Variants in RGS3 observed in about 807,000 individuals in gnomAD.
RGS3 encodes the protein regulator of G-protein signalling 3.
In RGS3, 80 loss-of-function variants were observed where a neutral mutation model predicts 132.6. That is an observed-to-expected ratio of 0.60 (90% CI 0.50 to 0.73). The LOEUF (loss-of-function observed/expected upper bound fraction) is 0.73, where lower values mean the gene tolerates loss of function less well. RGS3 is among the 30% of genes least tolerant of loss of function. The pLI is 0.00. For missense variants in RGS3, 1,382 were observed against 1,530.8 expected (o/e 0.90, Z 1.62); for synonymous variants, 598 against 620.6 (o/e 0.96, Z 0.54).
intron 23 of RGS3, 140 bp downstream of exon 21, chr9:113,595,120 G>A: frequency 1.2e-6 from 1 of 805,212 alleles, no homozygotes; most frequent in Non-Finnish European, 2.0e-6. Context: ...TTGCGGAGGG[G>A]CTGAGCCCAA....
chr9:113,520,106 C>G (rs1016232362), intron 16 of RGS3, among the ~76,000 whole-genome samples: 3 of 152,256 alleles, frequency 2.0e-5, no homozygotes, highest in African/African-American at 7.2e-5. Context: ...ACCCCCTTAC[C>G]AAGTGATCCC....
intron 1 of RGS3, among the ~76,000 whole-genome samples, chr9:113,445,689 T>C (rs1482962036): frequency 6.6e-6 from 1 of 152,098 alleles, no homozygotes; most frequent in Non-Finnish European, 1.5e-5. Context: ...TTTGTTTTTG[T>C]ATGTTTTGAG....
At position 113,497,420 on chromosome 9, in the gene RGS3, C is replaced by T. The variant is rs766205601; in HGVS notation, c.841+16C>T. On this transcript the variant is annotated intron_variant, in intron 9 of 24. Coordinates refer to ENST00000350696, the Ensembl canonical transcript of RGS3. ...CCGCTGAGAGGTACCTGCACACCCCCTTCAGCTTCCCTTCCCAGGACCTGC... is the reference window on the plus strand; with the variant it reads ...CCGCTGAGAGGTACCTGCACACCCCTTTCAGCTTCCCTTCCCAGGACCTGC... 6.2e-7 allele frequency: 1 copy of T among 1,607,450 alleles called. No individual in the cohort carries two copies. Among genetic ancestry groups the T allele is most frequent in the South Asian group, 1.1e-5 (1 of 90,868 alleles).
At chr9:113,456,717 C>A (rs1299569223), upstream of RGS3, among the ~76,000 whole-genome samples, 1 of 151,614 alleles carries the variant, frequency 6.6e-6, no homozygotes, top group South Asian at 2.1e-4. Context: ...CTGTTGGGAT[C>A]TTGCTTAAAA....
Position 113,447,286 on chromosome 9 carries a change from A to G in RGS3, c.-13+2359A>G, listed in dbSNP as rs538822176. ...CAAAGAAAAAAAAAAAAAAAGAAAAATACAGGGAGGGTGTAAACCAATAAA... is the reference window on the plus strand; with the variant it reads ...CAAAGAAAAAAAAAAAAAAAGAAAAGTACAGGGAGGGTGTAAACCAATAAA... On this transcript the variant is annotated intron_variant, in intron 1 of 25. Coordinates refer to the RGS3 transcript ENST00000374140. 3.1e-5 allele frequency among the ~76,000 whole-genome samples: 4 copies of G among 128,954 alleles called. No homozygotes were observed. The East Asian group carries it at 1.0e-3, about 32-fold the overall frequency. 84.6% of individuals were successfully genotyped at this position (128,954 alleles called of 152,430 possible).
intron 23 of RGS3, 121 bp from the exon 22 acceptor site, chr9:113,595,478 C>T (rs1352127620): frequency 1.3e-5 from 14 of 1,093,518 alleles, no homozygotes; most frequent in Non-Finnish European, 1.7e-5. Flanking sequence ...CTGTCGGGGA[C>T]GGGCATTGTA....
At chr9:113,462,109 T>C in exon 3 of RGS3, 2 of 1,614,158 alleles carry the variant, frequency 1.2e-6, no homozygotes, top group Non-Finnish European at 1.7e-6. Flanking sequence ...ATGGAGTGGC[T>C]AAGCCCTGAT....
rs1358227796 is a variant in RGS3, at chr9:113,484,676, A to G, written c.620+444A>G. Among the ~76,000 whole-genome samples, 11 of 152,196 alleles carry G rather than the reference A, an allele frequency of 7.2e-5. No individual in the cohort carries two copies. The East Asian group carries it at 1.9e-3, about 27-fold the overall frequency. ...TCCTTATTTGTAAAATGGGGCTAATAATAGTAGCAACCTCAGAGAGCTGTG... is the reference window on the plus strand; with the variant it reads ...TCCTTATTTGTAAAATGGGGCTAATGATAGTAGCAACCTCAGAGAGCTGTG... On this transcript the variant is annotated intron_variant, in intron 6 of 24. Coordinates refer to ENST00000350696, the Ensembl canonical transcript of RGS3.
intron 19 of RGS3, among the ~76,000 whole-genome samples, chr9:113,570,625 C>T (rs1054436509): frequency 6.6e-6 from 1 of 152,086 alleles, no homozygotes; most frequent in African/African-American, 2.4e-5. Context: ...CTTTTAGTTA[C>T]TATGACCTCA....
At chr9:113,481,325 G>C (rs28709996) in intron 4 of RGS3, among the ~76,000 whole-genome samples, 21,802 of 152,202 alleles carry the variant, frequency 0.14, 1,712 homozygotes, top group African/African-American at 0.2. Context: ...GGGACTGGGT[G>C]TGGTTCATTG....
At chr9:113,502,467 C>T (rs72761966) in intron 10 of RGS3, among the ~76,000 whole-genome samples, 18,057 of 152,258 alleles carry the variant, frequency 0.12, 1,278 homozygotes, top group African/African-American at 0.19. Context: ...CCTGCCCCCC[C>T]ACCTGCCTGC....
chr9:113,528,379 C>T (rs1832313403), intron 17 of RGS3, among the ~76,000 whole-genome samples: 2 of 152,172 alleles, frequency 1.3e-5, no homozygotes, highest in Non-Finnish European at 2.9e-5. Flanking sequence ...CAGGCTGCTT[C>T]TCTGCACTTG....
chr9:113,570,991 T>A (rs934408806), intron 19 of RGS3, among the ~76,000 whole-genome samples: 2 of 152,234 alleles, frequency 1.3e-5, no homozygotes, highest in African/African-American at 4.8e-5. Context: ...TTTGTGTAAA[T>A]GGAATCATTG....
At chr9:113,581,896 GCCTA>G in intron 19 of RGS3, 1 of 333,522 alleles carries the variant, frequency 3.0e-6, no homozygotes, top group Non-Finnish European at 4.3e-6. Context: ...GTGAGCCATA[GCCTA>G]AGGCGTGCCC....
chr9:113,591,351 G>A lies in RGS3; in HGVS notation c.3034G>A (p.Val1012Ile), dbSNP rs750641666. 32 of 1,613,600 alleles carry A rather than the reference G, an allele frequency of 2.0e-5. No individual in the cohort carries two copies. The highest frequency in any genetic ancestry group is 1.3e-4 in the South Asian group (12 of 91,094). Residue 1012 changes from valine to isoleucine, a missense_variant, in exon 21 of 25, where the codon GTT becomes ATT. Coordinates refer to ENST00000350696, the Ensembl canonical transcript of RGS3. This position sits in a 1 kb window ranked among gnomAD's most constrained non-coding sequence, Gnocchi z 4.4. ...TCCGCAGATGAGCGGGGCTGACACC[G>A]TTGGGGATGATGACGAAGCCTCCCG...
At position 113,482,903 on chromosome 9, in the gene RGS3, A is replaced by G. The variant is rs556406044; in HGVS notation, c.467-156A>G. On this transcript the variant is annotated intron_variant, in intron 4 of 24. Coordinates refer to ENST00000350696, the Ensembl canonical transcript of RGS3. Reference sequence around the variant, plus strand: ...TGGTGGTTATGCAGATTAAGGGCCTAGTAGCAGGGGCCATAGCCCTGCTAC... The same window carrying G: ...TGGTGGTTATGCAGATTAAGGGCCTGGTAGCAGGGGCCATAGCCCTGCTAC... 1.7e-5 allele frequency: 25 copies of G among 1,491,768 alleles called. No individual in the cohort carries two copies. In the South Asian group the frequency reaches 3.4e-4, roughly 20 times the overall value. 92.4% of individuals were successfully genotyped at this position (1,491,768 alleles called of 1,614,324 possible). A position where few individuals can be genotyped will look rare whatever the true frequency, so the allele number is the denominator to read the frequency against.
intron 3 of RGS3, among the ~76,000 whole-genome samples, chr9:113,470,879 C>A (rs183108026): frequency 1.3e-5 from 2 of 152,144 alleles, no homozygotes; most frequent in African/African-American, 4.8e-5. Flanking sequence ...GAAGGAGGAT[C>A]ACTTGAGCCT....
intron 14 of RGS3, among the ~76,000 whole-genome samples, chr9:113,513,953 C>G (rs547133679): frequency 3.9e-5 from 6 of 152,230 alleles, no homozygotes; most frequent in Admixed American, 2.0e-4. Context: ...CTGGGCTGAG[C>G]TTGTGCAGGG....
chr9:113,545,133 C>G (rs1441825912), intron 19 of RGS3, among the ~76,000 whole-genome samples: 2 of 152,262 alleles, frequency 1.3e-5, no homozygotes, highest in East Asian at 1.9e-4. Context: ...TAGGTTACAC[C>G]CCTTCCCCTT....
Sources: allele counts gnomAD v4.1 joint callset (sites outside exome capture counted in the v4.1 genomes callset), GRCh38; gene constraint gnomAD v4.1.1; non-coding constraint Gnocchi (gnomAD v3.1); transcripts MANE v1.5; gene names NCBI Gene and HGNC (gene_info 2026-07-23, HGNC 2026-07-21).